The following CWC27 variants were observed in gnomAD, a reference collection of about 807,000 sequenced individuals.
CWC27 encodes the protein CWC27 spliceosome associated cyclophilin, also known as spliceosome-associated protein CWC27 homolog.
In CWC27, 47 loss-of-function variants were observed where a neutral mutation model predicts 63.6. That is an observed-to-expected ratio of 0.74 (90% CI 0.58 to 0.94). The LOEUF is 0.94. CWC27 is among the 40% of genes least tolerant of loss of function. CWC27 has a pLI of 0.00. For missense variants in CWC27, 495 were observed against 554.3 expected, an observed-to-expected ratio of 0.89 and a Z score of 1.07; for synonymous variants, 175 against 179.8, an observed-to-expected ratio of 0.97 and a Z score of 0.22.
chr5:64,928,155 CAAA>C (rs773276316), intron 11 of CWC27, among the ~76,000 whole-genome samples: 2 of 126,560 alleles, frequency 1.6e-5, no homozygotes, highest in Non-Finnish European at 1.7e-5. Flanking sequence ...AACTCCTTCT[CAAA>C]AAAAAAAAAA....
intron 10 of CWC27, among the ~76,000 whole-genome samples, chr5:64,853,165 T>C (rs1302818518): frequency 6.6e-6 from 1 of 152,222 alleles, no homozygotes; most frequent in Non-Finnish European, 1.5e-5. Context: ...AAAAACTTTC[T>C]AACAGGTAGA....
At chr5:64,939,392 G>A (rs1401397301) in intron 11 of CWC27, among the ~76,000 whole-genome samples, 2 of 152,126 alleles carry the variant, frequency 1.3e-5, no homozygotes, top group Non-Finnish European at 2.9e-5. Flanking sequence ...AGGTCTGCAC[G>A]AATTTGTTGG....
At chr5:64,990,061 A>G (rs1212700372) in intron 13 of CWC27, among the ~76,000 whole-genome samples, 1 of 151,902 alleles carries the variant, frequency 6.6e-6, no homozygotes, top group Admixed American at 6.6e-5. Context: ...AAGGAAGTCT[A>G]TCTGTTTTCT....
chr5:64,987,545 A>G (rs1190856705), intron 13 of CWC27, among the ~76,000 whole-genome samples: 1 of 152,176 alleles, frequency 6.6e-6, no homozygotes, highest in East Asian at 1.9e-4. Flanking sequence ...TTCTTTATTC[A>G]TGATATTTCA....
chr5:65,013,206 A>G (rs1013961080), intron 13 of CWC27, among the ~76,000 whole-genome samples: 3 of 152,210 alleles, frequency 2.0e-5, no homozygotes, highest in Non-Finnish European at 4.4e-5. Context: ...AAAAGCAACT[A>G]TCAGTATTTG....
At chr5:65,010,641 T>A (rs1323463318) in intron 13 of CWC27, among the ~76,000 whole-genome samples, 1 of 152,132 alleles carries the variant, frequency 6.6e-6, no homozygotes, top group Non-Finnish European at 1.5e-5. Flanking sequence ...TTAACCCACA[T>A]GGGGAAGGCT....
chr5:64,826,243 C>G (rs993593959), intron 10 of CWC27, among the ~76,000 whole-genome samples: 1 of 152,084 alleles, frequency 6.6e-6, no homozygotes, highest in Admixed American at 6.6e-5. Flanking sequence ...GTGACTTTTT[C>G]TTTGACCTGT....
At chr5:64,800,775 A>C (rs1744460708) in intron 8 of CWC27, among the ~76,000 whole-genome samples, 1 of 152,154 alleles carries the variant, frequency 6.6e-6, no homozygotes, top group Admixed American at 6.5e-5. Context: ...GAGTTAACAG[A>C]AAGTTGTCTT....
At chr5:64,906,399 T>A (rs1380321144) in intron 11 of CWC27, among the ~76,000 whole-genome samples, 1 of 152,204 alleles carries the variant, frequency 6.6e-6, no homozygotes, top group East Asian at 1.9e-4. Context: ...GCAGTTTTGA[T>A]TTGCATTTCT....
intron 11 of CWC27, among the ~76,000 whole-genome samples, chr5:64,917,332 G>T (rs1430062555): frequency 6.6e-6 from 1 of 152,124 alleles, no homozygotes; most frequent in Non-Finnish European, 1.5e-5. Context: ...ATATTTCCTT[G>T]TCCAAGTAGG....
At chr5:64,955,335 G>C (rs1274251495) in intron 11 of CWC27, among the ~76,000 whole-genome samples, 1 of 151,856 alleles carries the variant, frequency 6.6e-6, no homozygotes. Context: ...AGAAACCAAA[G>C]TATTAAAGAT....
chr5:64,889,108 A>G (rs960034936), intron 11 of CWC27, among the ~76,000 whole-genome samples: 6 of 152,196 alleles, frequency 3.9e-5, no homozygotes, highest in African/African-American at 1.4e-4. Flanking sequence ...TCAAAGTGTC[A>G]AGGTCATGAA....
intron 6 of CWC27, among the ~76,000 whole-genome samples, chr5:64,788,319 GA>G (rs5868388): frequency 0.01 from 1,454 of 145,012 alleles, 17 homozygotes; most frequent in African/African-American, 0.033. Flanking sequence ...TAGGCTTTGG[GA>G]AAAAAAAAAA....
chr5:64,970,211 A>ATTT (rs11369937), intron 11 of CWC27, among the ~76,000 whole-genome samples: 4 of 135,350 alleles, frequency 3.0e-5, no homozygotes, highest in Non-Finnish European at 4.8e-5. Flanking sequence ...TATGAAAGTA[A>ATTT]TTTTTTTTTT....
At chr5:64,906,144 G>A (rs1747634627) in intron 11 of CWC27, among the ~76,000 whole-genome samples, 1 of 152,146 alleles carries the variant, frequency 6.6e-6, no homozygotes, top group Non-Finnish European at 1.5e-5. Context: ...AAACATACGT[G>A]TGCATGTGTC....
At chr5:64,892,504 A>G (rs1747262846) in intron 11 of CWC27, among the ~76,000 whole-genome samples, 1 of 152,142 alleles carries the variant, frequency 6.6e-6, no homozygotes, top group African/African-American at 2.4e-5. Flanking sequence ...TAACTTTGTG[A>G]TATTTATTTT....
In CWC27 at chr5:64,995,025, T is replaced by C. The variant is rs577910113; in HGVS notation, c.1256+17787T>C. On this transcript the variant is annotated intron_variant, in intron 13 of 13. Transcript: ENST00000381070. Reference sequence around the variant, plus strand: ...GCTCTGAAATTTTTTTTTTTTTTTTTTGAGACAGAGTCTCACTCTGTCACC... The same window carrying C: ...GCTCTGAAATTTTTTTTTTTTTTTTCTGAGACAGAGTCTCACTCTGTCACC... Among the ~76,000 whole-genome samples the C allele has an allele frequency of 1.2e-4, 18 of 151,412 alleles. No individual in the cohort carries two copies. The South Asian group carries it at 3.8e-3, about 32-fold the overall frequency.
intron 7 of CWC27, among the ~76,000 whole-genome samples, chr5:64,792,983 T>C (rs1744132017): frequency 6.6e-6 from 1 of 152,176 alleles, no homozygotes. Context: ...CCAAGTGCCT[T>C]AAAATATACT....
intron 10 of CWC27, among the ~76,000 whole-genome samples, chr5:64,828,285 C>T (rs9291827): frequency 0.17 from 25,239 of 152,110 alleles, 2,491 homozygotes; most frequent in East Asian, 0.34. Flanking sequence ...CCCACTTAAT[C>T]TTCCTATGCC....
Sources: gnomAD v4.1 joint callset for allele counts (sites outside exome capture counted in the v4.1 genomes callset) on GRCh38, gnomAD v4.1.1 for gene constraint, MANE v1.5 for transcripts, NCBI Gene and HGNC (gene_info 2026-07-23, HGNC 2026-07-21) for gene names.